The following DGKH variants were observed in gnomAD, a reference collection of about 807,000 sequenced individuals.
The protein encoded by DGKH is diacylglycerol kinase eta.
DGKH carries 90 observed loss-of-function variants against 159.3 expected under a neutral mutation model. The observed-to-expected ratio is 0.57, with a 90% CI of 0.48 to 0.67. The LOEUF (loss-of-function observed/expected upper bound fraction) is 0.67. DGKH is among the 30% of genes least tolerant of loss of function. The pLI is 0.00. For missense variants in DGKH, 1,181 were observed against 1,506.1 expected, an observed-to-expected ratio of 0.78 and a Z score of 3.57; for synonymous variants, 536 against 553.8, an observed-to-expected ratio of 0.97 and a Z score of 0.45.
intron 13 of DGKH, chr13:42,181,687 A>G (rs1041281193): frequency 2.3e-6 from 1 of 436,884 alleles, no homozygotes; most frequent in Non-Finnish European, 4.5e-6. Flanking sequence ...CATTCCCATG[A>G]TAGTTGACCC....
At chr13:42,049,078 CGGGGAAGGCGGGGAA>C in intron 1 of DGKH, 113 bp downstream of exon 1, 2 of 120,842 alleles carry the variant, frequency 1.7e-5, no homozygotes, top group Non-Finnish European at 2.3e-5. Flanking sequence ...GCGGGGAAGG[CGGGGAAGGCGGGGAA>C]GGCGGGGAAG....
intron 3 of DGKH, among the ~76,000 whole-genome samples, chr13:42,151,613 A>C (rs59331342): frequency 0.028 from 3,184 of 111,756 alleles, 102 homozygotes; most frequent in African/African-American, 0.078. Flanking sequence ...ACACACACAC[A>C]CCCCATGGAA....
rs1957741113 is a variant in DGKH, at chr13:42,214,549, A to C, written c.3057A>C (p.Glu1019Asp). ...CAATTCACTGTCTTTTGGAGCAAGA[A>C]CTGGCCCATGCTGTGAATGCCTGCT... ...AATIHCLLEQ[E>D]LAHAVNACSH... Residue 1019 changes from glutamate to aspartate, a missense_variant, in exon 25 of 30, where the codon GAA becomes GAC. Around this residue, in one of 5 missense-constraint regions of DGKH, gnomAD observed 335 missense variants for 495.2 expected, o/e 0.68. Coordinates refer to ENST00000337343, the MANE Select transcript of DGKH (RefSeq NM_178009.5). 6.2e-7 allele frequency: 1 copy of C among 1,613,542 alleles called. No homozygotes were observed. The highest frequency in any genetic ancestry group is 1.3e-5 in the African/African-American group (1 of 74,906).
At chr13:42,043,547 G>A (rs1000869462) in intron 1 of DGKH, among the ~76,000 whole-genome samples, 4 of 151,956 alleles carry the variant, frequency 2.6e-5, no homozygotes, top group African/African-American at 9.7e-5. Context: ...GCCCAGGCTG[G>A]TCTCAAACTT....
At chr13:42,154,964 C>T (rs1956006027) in intron 3 of DGKH, among the ~76,000 whole-genome samples, 1 of 151,764 alleles carries the variant, frequency 6.6e-6, no homozygotes, top group African/African-American at 2.4e-5. Context: ...ACTATGTATT[C>T]CTGCTAAGCT....
chr13:42,134,473 A>C (rs1594072464), intron 3 of DGKH, among the ~76,000 whole-genome samples: 1 of 152,192 alleles, frequency 6.6e-6, no homozygotes. Flanking sequence ...TATAACAACC[A>C]ACCACAAACT....
At chr13:42,174,395 C>T (rs1183879628) in intron 12 of DGKH, among the ~76,000 whole-genome samples, 1 of 152,084 alleles carries the variant, frequency 6.6e-6, no homozygotes, top group Non-Finnish European at 1.5e-5. Flanking sequence ...TCCTGGGACT[C>T]TTCATGTGTA....
chr13:42,235,119 G>T lies in DGKH; in HGVS notation c.*5931G>T, dbSNP rs565229474. 6.6e-6 allele frequency: 1 copy of T among 152,218 alleles called. No homozygotes were observed. Among genetic ancestry groups the T allele is most frequent in the Admixed American group, 6.5e-5 (1 of 15,280 alleles). The allele number at this position is 152,218 out of a possible 1,614,324, so 9.4% of individuals were successfully genotyped here. On this transcript the variant is annotated 3_prime_UTR_variant, in exon 30 of 30. Coordinates refer to ENST00000337343, the MANE Select transcript of DGKH (RefSeq NM_178009.5). ...ATTATTTCTGATATTTTTAGGAAAA[G>T]AAGTTTAACAGAGTAACTCAGACTG...
intron 1 of DGKH, among the ~76,000 whole-genome samples, chr13:42,049,836 C>T (rs1009010437): frequency 3.9e-5 from 6 of 152,140 alleles, no homozygotes; most frequent in Non-Finnish European, 7.3e-5. Context: ...AAAGCAAATG[C>T]TTATGGATAT....
intron 3 of DGKH, among the ~76,000 whole-genome samples, chr13:42,150,864 G>A (rs995165090): frequency 2.0e-5 from 3 of 151,998 alleles, no homozygotes; most frequent in Non-Finnish European, 4.4e-5. Context: ...AAGAAACTTT[G>A]TAATTGTGAT....
In DGKH at chr13:42,219,116, ATAC is replaced by A. The variant is rs1957894436; in HGVS notation, c.3214-110_3214-108del. ...CTCTTAATATTCCTTAATTTAAAAA[ATAC>A]TACCTTAATAAGGAGTGAGGCTGTT... On this transcript the variant is annotated intron_variant, in intron 26 of 29. Transcript: ENST00000337343. 12 of 1,301,872 alleles carry A rather than the reference ATAC, an allele frequency of 9.2e-6. No individual in the cohort carries two copies. In the South Asian group the frequency reaches 2.0e-4, roughly 21 times the overall value. 80.6% of individuals were successfully genotyped at this position (1,301,872 alleles called of 1,614,324 possible). A position where few individuals can be genotyped will look rare whatever the true frequency, so the allele number is the denominator to read the frequency against.
chr13:42,151,613 A>ACACACCCC (rs1555266645), intron 3 of DGKH, among the ~76,000 whole-genome samples: 1 of 111,934 alleles, frequency 8.9e-6, no homozygotes, highest in Admixed American at 1.1e-4. Context: ...ACACACACAC[A>ACACACCCC]CCCCATGGAA....
intron 12 of DGKH, among the ~76,000 whole-genome samples, chr13:42,176,719 T>A (rs567457743): frequency 6.6e-6 from 1 of 152,214 alleles, no homozygotes; most frequent in Admixed American, 6.5e-5. Context: ...GGCTGATTGG[T>A]AGAAGTAATG....
At chr13:42,143,043 T>A (rs1955611510) in intron 3 of DGKH, among the ~76,000 whole-genome samples, 1 of 152,222 alleles carries the variant, frequency 6.6e-6, no homozygotes, top group African/African-American at 2.4e-5. Context: ...TTGTCATAAA[T>A]AGCTCTTATT....
In DGKH at chr13:42,236,544, C is replaced by G; in HGVS notation, c.*7356C>G. 6.6e-6 allele frequency: 1 copy of G among 152,142 alleles called. No homozygotes were observed. The highest frequency in any genetic ancestry group is 1.9e-4 in the East Asian group (1 of 5,198). The allele number at this position is 152,142 out of a possible 1,614,324, so 9.4% of individuals were successfully genotyped here. On this transcript the variant is annotated 3_prime_UTR_variant, in exon 30 of 30. Coordinates refer to ENST00000337343, the MANE Select transcript of DGKH (RefSeq NM_178009.5). ...TATGTATTTTATCTTCATGTCACAACTTATTTTCTGTAGCCAATTCTCAGT... is the reference window on the plus strand; with the variant it reads ...TATGTATTTTATCTTCATGTCACAAGTTATTTTCTGTAGCCAATTCTCAGT...
chr13:42,157,441 A>G (rs1956072987), intron 5 of DGKH, among the ~76,000 whole-genome samples: 1 of 152,212 alleles, frequency 6.6e-6, no homozygotes, highest in South Asian at 2.1e-4. Context: ...TAAAAGAAAA[A>G]TGAAAATTAC....
chr13:42,186,035 GTGTGTGTGTGTGTGTA>G (rs1956918370), intron 13 of DGKH, among the ~76,000 whole-genome samples: 1 of 149,988 alleles, frequency 6.7e-6, no homozygotes, highest in Non-Finnish European at 1.5e-5. Context: ...GTGTGTGTGT[GTGTGTGTGTGTGTGTA>G]TGTCCTGTGT....
At chr13:42,204,960 A>T (rs1957428780) in intron 20 of DGKH, among the ~76,000 whole-genome samples, 1 of 152,198 alleles carries the variant, frequency 6.6e-6, no homozygotes, top group South Asian at 2.1e-4. Context: ...AGAACAAATT[A>T]TTCTCTCACA....
In DGKH at chr13:42,095,371, C is replaced by T. The variant is rs564402090; in HGVS notation, c.193-32092C>T. ...AGAGATGGGATTTCACCATGTTGGC[C>T]AGGCTGGTCTTGAACACCTGAACTC... On this transcript the variant is annotated intron_variant, in intron 1 of 29. Coordinates refer to ENST00000337343, the MANE Select transcript of DGKH (RefSeq NM_178009.5). Among the ~76,000 whole-genome samples, 3 of 152,038 alleles carry T rather than the reference C, an allele frequency of 2.0e-5. No homozygotes were observed. In the South Asian group the frequency reaches 6.2e-4, roughly 32 times the overall value.
Sources: gnomAD v4.1 joint callset for allele counts (sites outside exome capture counted in the v4.1 genomes callset) on GRCh38, gnomAD v4.1.1 for gene constraint, gnomAD v4.1.1 regional missense constraint, MANE v1.5 for transcripts, NCBI Gene and HGNC (gene_info 2026-07-23, HGNC 2026-07-21) for gene names.